Variants in ZNF521 observed in about 807,000 individuals in gnomAD.
ZNF521 encodes LYST-interacting protein 3.
ZNF521 carries 14 observed loss-of-function variants against 105.5 expected under a neutral mutation model. That is an observed-to-expected ratio of 0.13 (90% CI 0.09 to 0.21). The LOEUF (loss-of-function observed/expected upper bound fraction) is 0.21. Ranked by LOEUF, ZNF521 falls within the 10% of genes least tolerant of loss-of-function variation. ZNF521 has a pLI of 1.00. For missense variants in ZNF521, 1,233 were observed against 1,629.7 expected (o/e 0.76, Z 4.19); for synonymous variants, 635 against 606.0 (o/e 1.05, Z -0.70).
At chr18:25,137,549 C>G (rs1001911769) in intron 5 of ZNF521, among the ~76,000 whole-genome samples, 3 of 151,996 alleles carry the variant, frequency 2.0e-5, no homozygotes, top group Non-Finnish European at 2.9e-5. Flanking sequence ...AGACTGGTCC[C>G]ATGGAGTCCA....
intron 5 of ZNF521, among the ~76,000 whole-genome samples, chr18:25,127,272 T>C (rs999928167): frequency 2.0e-5 from 3 of 152,006 alleles, no homozygotes; most frequent in Admixed American, 2.0e-4. Context: ...TTTTGATCTG[T>C]AGGTGACAGT....
intron 4 of ZNF521, among the ~76,000 whole-genome samples, chr18:25,206,072 C>T (rs564364806): frequency 2.6e-5 from 4 of 152,114 alleles, no homozygotes; most frequent in East Asian, 1.9e-4. Flanking sequence ...GGCACGATCT[C>T]GGCTCACTGC....
rs965665619 is a variant in ZNF521, at chr18:25,255,917, GATAA to G, written c.221-28224_221-28221del. On this transcript the variant is annotated intron_variant, in intron 3 of 7. Coordinates refer to ENST00000361524, the MANE Select transcript of ZNF521 (RefSeq NM_015461.3). ...CATCATGAATGATGATGAATGAATG[GATAA>G]ATAAAATGTGGTGTATATATATGGC... Among the ~76,000 whole-genome samples the G allele has an allele frequency of 4.8e-4, 72 of 149,546 alleles. 1 individual carries two copies. The highest frequency in any genetic ancestry group is 3.6e-3 in the Middle Eastern group (1 of 280).
intron 7 of ZNF521, among the ~76,000 whole-genome samples, chr18:25,072,930 T>C (rs1694657751): frequency 6.6e-6 from 1 of 152,198 alleles, no homozygotes; most frequent in Non-Finnish European, 1.5e-5. Context: ...AGAACATCTG[T>C]AAACAAGGTT....
intron 2 of ZNF521, among the ~76,000 whole-genome samples, chr18:25,329,537 A>G (rs993140238): frequency 6.6e-6 from 1 of 152,210 alleles, no homozygotes; most frequent in Admixed American, 6.5e-5. Context: ...AGGTAAGGCC[A>G]CAGATACGTA....
intron 5 of ZNF521, among the ~76,000 whole-genome samples, chr18:25,189,950 A>G (rs1313714217): frequency 1.3e-5 from 2 of 152,206 alleles, no homozygotes; most frequent in African/African-American, 4.8e-5. Context: ...AGCTTGCTCC[A>G]TTACCTACGT....
At chr18:25,319,603 A>T (rs1203581906) in intron 3 of ZNF521, among the ~76,000 whole-genome samples, 1 of 152,266 alleles carries the variant, frequency 6.6e-6, no homozygotes, top group Non-Finnish European at 1.5e-5. Context: ...CACAAAAAAA[A>T]AAAAAAGAAA....
intron 3 of ZNF521, among the ~76,000 whole-genome samples, chr18:25,263,455 T>C (rs1056212345): frequency 1.3e-5 from 2 of 152,156 alleles, no homozygotes; most frequent in African/African-American, 4.8e-5. Flanking sequence ...CCTCCTGGGT[T>C]CAAGGGATTT....
intron 3 of ZNF521, among the ~76,000 whole-genome samples, chr18:25,278,496 G>C (rs543065471): frequency 6.6e-6 from 1 of 152,176 alleles, no homozygotes; most frequent in South Asian, 2.1e-4. Context: ...CCCATGCCTC[G>C]AACAGCCGCC....
At chr18:25,308,904 C>T (rs1912142945) in intron 3 of ZNF521, among the ~76,000 whole-genome samples, 1 of 152,050 alleles carries the variant, frequency 6.6e-6, no homozygotes, top group Non-Finnish European at 1.5e-5. Flanking sequence ...TTAGGCCAAA[C>T]TGCAGTATCT....
rs1467756324 is a variant in ZNF521, at chr18:25,250,922, G to A, written c.221-23225C>T. Among the ~76,000 whole-genome samples the A allele has an allele frequency of 2.6e-5, 4 of 152,130 alleles. No homozygotes were observed. The East Asian group carries it at 7.7e-4, about 29-fold the overall frequency. Reference sequence around the variant, plus strand: ...AAGTTAAGAAAAATATATTCAAAGTGAAAATATATTCCATGAGATGTTAAA... The same window carrying A: ...AAGTTAAGAAAAATATATTCAAAGTAAAAATATATTCCATGAGATGTTAAA... On this transcript the variant is annotated intron_variant, in intron 3 of 7. Transcript: ENST00000361524.
chr18:25,079,601 AAGAGAGAGAG>A (rs34772670), intron 7 of ZNF521, among the ~76,000 whole-genome samples: 75 of 147,000 alleles, frequency 5.1e-4, no homozygotes, highest in South Asian at 2.0e-3. Context: ...AGGAAAAAGT[AAGAGAGAGAG>A]AGAGAGAGAG....
At position 25,139,593 on chromosome 18, in the gene ZNF521, C is replaced by T. The variant is rs563286253; in HGVS notation, c.3659-47512G>A. Among the ~76,000 whole-genome samples, 7 of 152,054 alleles carry T rather than the reference C, an allele frequency of 4.6e-5. No homozygotes were observed. The East Asian group carries it at 7.8e-4, about 17-fold the overall frequency. On this transcript the variant is annotated intron_variant, in intron 5 of 7. Transcript: ENST00000361524. ...GTGTTACAGCCCTTTTCAGGTAAGA[C>T]AATCAAGGCCAGAAATGTTACCTGA...
intron 2 of ZNF521, among the ~76,000 whole-genome samples, chr18:25,350,232 C>A (rs1376015700): frequency 1.3e-5 from 2 of 152,142 alleles, no homozygotes; most frequent in African/African-American, 4.8e-5. Context: ...GCAAAGGACT[C>A]CAGGGGCGGC....
chr18:25,234,704 A>G (rs1339146420), intron 3 of ZNF521, among the ~76,000 whole-genome samples: 2 of 152,176 alleles, frequency 1.3e-5, no homozygotes, highest in Non-Finnish European at 2.9e-5. Flanking sequence ...CCTATAAGTG[A>G]TAAGTGGTAA....
At chr18:25,327,503 C>T in intron 2 of ZNF521, 4 of 918,956 alleles carry the variant, frequency 4.4e-6, no homozygotes, top group Non-Finnish European at 5.8e-6. Context: ...TGAAAGCACT[C>T]CTCCCCTACA....
Position 25,317,011 on chromosome 18 carries a change from T to C in ZNF521, c.220+4997A>G, listed in dbSNP as rs373508938. ...CTGTGACTACAGGCGTGCGCCACTA[T>C]GCCCTGCTAACTTTTTTGTATTTTT... On this transcript the variant is annotated intron_variant, in intron 3 of 7. Coordinates refer to ENST00000361524, the MANE Select transcript of ZNF521 (RefSeq NM_015461.3). Among the ~76,000 whole-genome samples the C allele has an allele frequency of 1.4e-4, 21 of 152,224 alleles. 2 individuals carry two copies. In the South Asian group the frequency reaches 3.3e-3, roughly 24 times the overall value.
At chr18:25,288,908 G>C (rs1297590962) in intron 3 of ZNF521, among the ~76,000 whole-genome samples, 1 of 152,204 alleles carries the variant, frequency 6.6e-6, no homozygotes, top group Non-Finnish European at 1.5e-5. Context: ...CTTTGGTCAT[G>C]AGCTTTTCAT....
At chr18:25,074,031 C>T (rs915445282) in intron 7 of ZNF521, among the ~76,000 whole-genome samples, 4 of 146,886 alleles carry the variant, frequency 2.7e-5, no homozygotes, top group Non-Finnish European at 4.6e-5. Flanking sequence ...GGTGTGTGTG[C>T]GTGCATGTGT....
Sources: allele counts gnomAD v4.1 joint callset (sites outside exome capture counted in the v4.1 genomes callset), GRCh38; gene constraint gnomAD v4.1.1; transcripts MANE v1.5; gene names NCBI Gene and HGNC (gene_info 2026-07-23, HGNC 2026-07-21).